The following PLCB1 variants were observed in gnomAD, a reference collection of about 807,000 sequenced individuals.
PLCB1 encodes 1-phosphatidylinositol 4,5-bisphosphate phosphodiesterase beta-1.
A neutral mutation model predicts 161.8 loss-of-function variants in PLCB1; 46 were observed. That is an observed-to-expected ratio of 0.28 (90% CI 0.22 to 0.36). PLCB1 has a LOEUF of 0.36. Among genes scored for constraint, PLCB1 ranks in the 10% least tolerant of loss-of-function variants. PLCB1 has a pLI of 1.00. For synonymous variants in PLCB1, 517 were observed against 503.7 expected (o/e 1.03, Z -0.35); for missense variants, 1,016 against 1,472.5 (o/e 0.69, Z 5.07).
intron 23 of PLCB1, among the ~76,000 whole-genome samples, chr20:8,753,572 G>C (rs1379948688): frequency 6.6e-6 from 1 of 152,112 alleles, no homozygotes; most frequent in East Asian, 1.9e-4. Context: ...GGCCCACCGA[G>C]TTCCCAGCAC....
rs75909445 is a variant in PLCB1, at chr20:8,250,304, C to T, written c.177+99933C>T. Among the ~76,000 whole-genome samples, 98 of 151,998 alleles carry T rather than the reference C, an allele frequency of 6.4e-4. 2 individuals carry two copies. The East Asian group carries it at 0.018, about 28-fold the overall frequency. ...TTAGTGTTTCCCATTTAATACTTTT[C>T]AATTTTTAGTTAGTTAATTAAGGAG... On this transcript the variant is annotated intron_variant, in intron 2 of 31. Transcript: ENST00000338037.
At position 8,832,872 on chromosome 20, in the gene PLCB1, T is replaced by C. The variant is rs1041312342; in HGVS notation, c.3423+42611T>C. On this transcript the variant is annotated intron_variant, in intron 31 of 31. Transcript: ENST00000338037. ...GTTGTCTTGATTACAAAGGCCCACA[T>C]CCCTCAGAAAGTACCCTCATGTCGG... 2.0e-5 allele frequency among the ~76,000 whole-genome samples: 3 copies of C among 152,134 alleles called. No individual in the cohort carries two copies. In the East Asian group the frequency reaches 5.8e-4, roughly 29 times the overall value.
intron 9 of PLCB1, among the ~76,000 whole-genome samples, chr20:8,684,586 T>A (rs1990313761): frequency 6.6e-6 from 1 of 152,058 alleles, no homozygotes; most frequent in Non-Finnish European, 1.5e-5. Flanking sequence ...AGAAAAAAAA[T>A]TGAAAAATTA....
chr20:8,576,626 G>T (rs1463516406), intron 3 of PLCB1, among the ~76,000 whole-genome samples: 1 of 152,006 alleles, frequency 6.6e-6, no homozygotes, highest in African/African-American at 2.4e-5. Flanking sequence ...ATTTTATAAA[G>T]AAACAGAATC....
chr20:8,465,136 A>T (rs1449213567), intron 3 of PLCB1, among the ~76,000 whole-genome samples: 1 of 151,770 alleles, frequency 6.6e-6, no homozygotes, highest in Non-Finnish European at 1.5e-5. Context: ...ATTCATGTTG[A>T]CTTGTTATTT....
intron 2 of PLCB1, among the ~76,000 whole-genome samples, chr20:8,201,007 C>G (rs915981182): frequency 3.3e-5 from 5 of 152,124 alleles, no homozygotes; most frequent in African/African-American, 1.2e-4. Context: ...CTTTTCTCCT[C>G]TGCTGCAAAC....
chr20:8,541,550 G>T (rs964196187), intron 3 of PLCB1, among the ~76,000 whole-genome samples: 4 of 61,538 alleles, frequency 6.5e-5, no homozygotes, highest in African/African-American at 3.9e-4. Context: ...CCCAGATAAT[G>T]AAAGGAAGAA....
intron 31 of PLCB1, among the ~76,000 whole-genome samples, chr20:8,866,655 G>T (rs1029772494): frequency 6.6e-6 from 1 of 152,140 alleles, no homozygotes; most frequent in Non-Finnish European, 1.5e-5. Flanking sequence ...AGAAGAACGG[G>T]TGTCTGCTGT....
chr20:8,283,453 T>G (rs1982972627), intron 2 of PLCB1, among the ~76,000 whole-genome samples: 1 of 151,658 alleles, frequency 6.6e-6, no homozygotes, highest in South Asian at 2.1e-4. Context: ...CTATATATTA[T>G]AATATGCTTT....
chr20:8,175,216 G>A (rs1049150680), intron 2 of PLCB1, among the ~76,000 whole-genome samples: 2 of 151,264 alleles, frequency 1.3e-5, no homozygotes, highest in Non-Finnish European at 3.0e-5. Context: ...GGCAAGAAAA[G>A]GAAAACAGCA....
chr20:8,756,081 G>A (rs144079238), intron 23 of PLCB1, among the ~76,000 whole-genome samples: 81 of 152,090 alleles, frequency 5.3e-4, no homozygotes, highest in African/African-American at 1.8e-3. Flanking sequence ...TTTTTGTCAG[G>A]GTTTTTTGGG....
chr20:8,660,285 A>G (rs915603250), intron 9 of PLCB1, among the ~76,000 whole-genome samples: 17 of 151,980 alleles, frequency 1.1e-4, no homozygotes, highest in African/African-American at 4.1e-4. Flanking sequence ...AAGAGATGAG[A>G]TTTCCCCTTA....
intron 2 of PLCB1, among the ~76,000 whole-genome samples, chr20:8,209,172 T>G (rs770963977): frequency 1.3e-5 from 2 of 151,838 alleles, no homozygotes; most frequent in African/African-American, 4.8e-5. Context: ...TAATTAAACT[T>G]GAGGGCAGAA....
At chr20:8,486,507 T>TTG (rs1982731774) in intron 3 of PLCB1, among the ~76,000 whole-genome samples, 1 of 105,016 alleles carries the variant, frequency 9.5e-6, no homozygotes, top group African/African-American at 3.1e-5. Context: ...TTTTTTTTTT[T>TTG]AGACGGAGTC....
intron 2 of PLCB1, among the ~76,000 whole-genome samples, chr20:8,193,695 A>G (rs930897804): frequency 8.6e-5 from 13 of 151,944 alleles, no homozygotes; most frequent in Admixed American, 8.5e-4. Context: ...AAAGAGAACT[A>G]TTGTGTTCTT....
intron 2 of PLCB1, among the ~76,000 whole-genome samples, chr20:8,163,932 T>C (rs1273115378): frequency 6.6e-6 from 1 of 152,206 alleles, no homozygotes; most frequent in Non-Finnish European, 1.5e-5. Flanking sequence ...TCTGTCACAG[T>C]GGGCCTATTG....
At chr20:8,248,388 CT>C (rs1980986164) in intron 2 of PLCB1, among the ~76,000 whole-genome samples, 1 of 151,884 alleles carries the variant, frequency 6.6e-6, no homozygotes, top group African/African-American at 2.4e-5. Context: ...ACAGATACTG[CT>C]GCAGCAGTAT....
Position 8,718,452 on chromosome 20 carries a change from C to T in PLCB1, c.1513+604C>T, listed in dbSNP as rs1979454399. Among the ~76,000 whole-genome samples, 4 of 152,198 alleles carry T rather than the reference C, an allele frequency of 2.6e-5. No homozygotes were observed. The South Asian group carries it at 8.3e-4, about 31-fold the overall frequency. ...CTTCCTGGAGGCGCTAAGGGAGAAG[C>T]TGTTTCCTTGCTTTTTCCAGCTTCT... is the stretch of plus-strand genomic sequence containing the variant. On this transcript the variant is annotated intron_variant, in intron 14 of 31. Coordinates refer to ENST00000338037, the MANE Select transcript of PLCB1 (RefSeq NM_015192.4).
chr20:8,445,070 T>G (rs1980757287), intron 3 of PLCB1, among the ~76,000 whole-genome samples: 1 of 152,212 alleles, frequency 6.6e-6, no homozygotes, highest in Non-Finnish European at 1.5e-5. Flanking sequence ...ATTTGTCAAT[T>G]TTGGCTTTTG....
Sources: gnomAD v4.1 joint callset for allele counts (sites outside exome capture counted in the v4.1 genomes callset) on GRCh38, gnomAD v4.1.1 for gene constraint, MANE v1.5 for transcripts, NCBI Gene and HGNC (gene_info 2026-07-23, HGNC 2026-07-21) for gene names.